PRKAR2A: variants seen among roughly 807,000 people sequenced by gnomAD.
PRKAR2A encodes the protein cAMP-dependent protein kinase type II-alpha regulatory subunit.
PRKAR2A carries 29 observed loss-of-function variants against 51.9 expected under a neutral mutation model. That is an observed-to-expected ratio of 0.56 (90% CI 0.42 to 0.76). The LOEUF is 0.76. Among genes scored for constraint, PRKAR2A ranks in the 30% least tolerant of loss-of-function variants. PRKAR2A has a pLI of 0.00. For synonymous variants in PRKAR2A, 178 were observed against 186.2 expected, an observed-to-expected ratio of 0.96 and a Z score of 0.36; for missense variants, 445 against 512.1, an observed-to-expected ratio of 0.87 and a Z score of 1.26.
At chr3:48,752,368 G>C (rs1410586795) in intron 9 of PRKAR2A, 51 bp from the exon 10 acceptor site, 2 of 1,585,046 alleles carry the variant, frequency 1.3e-6, no homozygotes, top group Admixed American at 3.6e-5. Flanking sequence ...TCACAGCTGG[G>C]CATGTCCAGT....
At chr3:48,757,607 G>A (rs1433789379) in intron 8 of PRKAR2A, among the ~76,000 whole-genome samples, 1 of 152,198 alleles carries the variant, frequency 6.6e-6, no homozygotes, top group East Asian at 1.9e-4. Flanking sequence ...ACAAACTGAA[G>A]GAAGGAGTGT....
At chr3:48,767,850 G>C (rs1013056900) in intron 6 of PRKAR2A, among the ~76,000 whole-genome samples, 4 of 151,898 alleles carry the variant, frequency 2.6e-5, no homozygotes, top group African/African-American at 7.3e-5. Context: ...CTTGAACCTG[G>C]GAGGTGGAGG....
chr3:48,762,957 C>T (rs150064317), intron 8 of PRKAR2A, among the ~76,000 whole-genome samples: 1 of 151,992 alleles, frequency 6.6e-6, no homozygotes, highest in South Asian at 2.1e-4. Flanking sequence ...CAGAAAACAT[C>T]AATGGTTTCC....
chr3:48,832,678 T>TA (rs1373577593), intron 1 of PRKAR2A, among the ~76,000 whole-genome samples: 2 of 152,146 alleles, frequency 1.3e-5, no homozygotes, highest in Non-Finnish European at 2.9e-5. Context: ...ATTTTTTTTT[T>TA]AATTTTTTAA....
At chr3:48,797,216 G>A (rs548611830) in intron 2 of PRKAR2A, among the ~76,000 whole-genome samples, 6 of 152,068 alleles carry the variant, frequency 3.9e-5, no homozygotes, top group Non-Finnish European at 7.4e-5. Context: ...TGCCCAGGCT[G>A]TAGTGCAGTT....
chr3:48,847,050 C>T lies in PRKAR2A; in HGVS notation c.262+285G>A, dbSNP rs942551683. 6.6e-6 allele frequency among the ~76,000 whole-genome samples: 1 copy of T among 152,216 alleles called. No individual in the cohort carries two copies. The highest frequency in any genetic ancestry group is 2.4e-5 in the African/African-American group (1 of 41,460). On this transcript the variant is annotated intron_variant, in intron 1 of 10. Coordinates refer to ENST00000265563, the MANE Select transcript of PRKAR2A (RefSeq NM_004157.4). This position sits in a 1 kb window ranked among gnomAD's most constrained non-coding sequence, Gnocchi z 4.4. ...ACTGGTGAAGGGTCTTAAGCAAAGG[C>T]GAGGGATCCTCTAGCAGGGCCGACA...
intron 1 of PRKAR2A, among the ~76,000 whole-genome samples, chr3:48,834,460 C>T (rs887554272): frequency 6.6e-6 from 1 of 152,072 alleles, no homozygotes; most frequent in African/African-American, 2.4e-5. Flanking sequence ...GAAGGCTGGG[C>T]GCAGTGGTTC....
At chr3:48,777,429 G>A (rs2082122469) in intron 5 of PRKAR2A, among the ~76,000 whole-genome samples, 1 of 151,908 alleles carries the variant, frequency 6.6e-6, no homozygotes, top group Admixed American at 6.6e-5. Context: ...ATTTTGAGTT[G>A]GAGTCTCGCC....
intron 1 of PRKAR2A, among the ~76,000 whole-genome samples, chr3:48,815,585 C>T (rs1357022929): frequency 2.0e-5 from 3 of 150,858 alleles, no homozygotes; most frequent in Non-Finnish European, 4.4e-5. Context: ...CCCAGCTACT[C>T]GGGAGGCTGA....
intron 1 of PRKAR2A, among the ~76,000 whole-genome samples, chr3:48,811,955 G>A (rs564653878): frequency 5.3e-5 from 8 of 152,214 alleles, no homozygotes; most frequent in South Asian, 2.1e-4. Context: ...GGTAGGCTGG[G>A]GCTGCAGGGG....
intron 1 of PRKAR2A, among the ~76,000 whole-genome samples, chr3:48,841,354 G>A (rs1201163994): frequency 6.6e-6 from 1 of 151,304 alleles, no homozygotes; most frequent in Non-Finnish European, 1.5e-5. Flanking sequence ...GACCAGCCTG[G>A]TCAATATGGT....
intron 8 of PRKAR2A, among the ~76,000 whole-genome samples, chr3:48,763,088 T>C (rs926883086): frequency 1.2e-4 from 19 of 152,202 alleles, no homozygotes; most frequent in African/African-American, 4.3e-4. Context: ...TTAAACTTAG[T>C]AATTTTATTG....
At chr3:48,753,835 T>C (rs1184576264) in intron 9 of PRKAR2A, among the ~76,000 whole-genome samples, 2 of 151,986 alleles carry the variant, frequency 1.3e-5, no homozygotes, top group Admixed American at 1.3e-4. Context: ...ATCTGAGAAA[T>C]CTACAAACAT....
In PRKAR2A at chr3:48,847,689, G is replaced by A; in HGVS notation, c.-93C>T. On this transcript the variant is annotated 5_prime_UTR_variant, in exon 1 of 11. Transcript: ENST00000265563. The surrounding 1 kb of genome is among the most constrained non-coding windows in gnomAD (Gnocchi z 4.4). Reference sequence around the variant, plus strand: ...CCGGCCTTTCGCTCCGCGCCCGCGAGGTCTCTTCGCGCACGGCCCCGGCTC... The same window carrying A: ...CCGGCCTTTCGCTCCGCGCCCGCGAAGTCTCTTCGCGCACGGCCCCGGCTC... 13 of 1,264,596 alleles carry A rather than the reference G, an allele frequency of 1.0e-5. No individual in the cohort carries two copies. The highest frequency in any genetic ancestry group is 1.1e-5 in the Non-Finnish European group (11 of 972,224). The allele number at this position is 1,264,596 out of a possible 1,614,324, so 78.3% of individuals were successfully genotyped here.
intron 4 of PRKAR2A, among the ~76,000 whole-genome samples, chr3:48,788,308 T>C (rs2082327678): frequency 6.6e-6 from 1 of 152,072 alleles, no homozygotes; most frequent in South Asian, 2.1e-4. Context: ...GAATTACAGG[T>C]GTGAGCCACC....
intron 5 of PRKAR2A, among the ~76,000 whole-genome samples, chr3:48,774,270 C>T (rs1182513896): frequency 6.6e-6 from 1 of 152,044 alleles, no homozygotes; most frequent in Non-Finnish European, 1.5e-5. Flanking sequence ...TATGTCCTTT[C>T]TATGTGTCAG....
At chr3:48,810,235 T>C (rs1272387079) in intron 1 of PRKAR2A, among the ~76,000 whole-genome samples, 2 of 151,138 alleles carry the variant, frequency 1.3e-5, no homozygotes, top group Non-Finnish European at 2.9e-5. Flanking sequence ...TGTGTGTGTG[T>C]GTGTACACAC....
chr3:48,796,674 T>TG (rs1342433760), intron 2 of PRKAR2A, among the ~76,000 whole-genome samples: 1 of 150,352 alleles, frequency 6.7e-6, no homozygotes, highest in African/African-American at 2.4e-5. Context: ...GACGGGGTTT[T>TG]TTTTTTTTTT....
At chr3:48,762,707 G>A (rs2081880942) in intron 8 of PRKAR2A, among the ~76,000 whole-genome samples, 1 of 152,100 alleles carries the variant, frequency 6.6e-6, no homozygotes, top group African/African-American at 2.4e-5. Flanking sequence ...GTTATGGTGA[G>A]CTGAGATTGC....
Sources: allele counts gnomAD v4.1 joint callset (sites outside exome capture counted in the v4.1 genomes callset), GRCh38; gene constraint gnomAD v4.1.1; non-coding constraint Gnocchi (gnomAD v3.1); transcripts MANE v1.5; gene names NCBI Gene and HGNC (gene_info 2026-07-23, HGNC 2026-07-21).